Variants in PAPPA2 observed in about 807,000 individuals in gnomAD.
The protein encoded by PAPPA2 is pappalysin 2, also known as pappalysin-2.
In PAPPA2, 86 loss-of-function variants were observed where a neutral mutation model predicts 176.4. The observed-to-expected ratio is 0.49, with a 90% confidence interval of 0.41 to 0.58. PAPPA2 has a LOEUF of 0.58. PAPPA2 is among the 20% of genes least tolerant of loss of function. PAPPA2 has a pLI of 0.00. For missense variants in PAPPA2, 2,073 were observed against 2,256.9 expected (o/e 0.92, Z 1.65); for synonymous variants, 809 against 852.2 (o/e 0.95, Z 0.88).
chr1:176,549,826 T>C (rs1650837429), intron 1 of PAPPA2, among the ~76,000 whole-genome samples: 1 of 152,208 alleles, frequency 6.6e-6, no homozygotes, highest in Non-Finnish European at 1.5e-5. Flanking sequence ...GACTTACCCC[T>C]GGCTCTATCT....
At chr1:176,639,154 A>G (rs1386554501) in intron 3 of PAPPA2, among the ~76,000 whole-genome samples, 1 of 152,084 alleles carries the variant, frequency 6.6e-6, no homozygotes, top group African/African-American at 2.4e-5. Flanking sequence ...GATGAAAAAA[A>G]CTAGGATGAA....
chr1:176,659,719 C>A (rs886965937), intron 3 of PAPPA2, among the ~76,000 whole-genome samples: 2 of 152,000 alleles, frequency 1.3e-5, no homozygotes, highest in African/African-American at 4.8e-5. Context: ...AAGATTGTAA[C>A]AATTTATAAT....
intron 1 of PAPPA2, among the ~76,000 whole-genome samples, chr1:176,555,080 T>C (rs928807924): frequency 2.6e-5 from 4 of 151,714 alleles, no homozygotes; most frequent in Admixed American, 2.6e-4. Flanking sequence ...TGCTATTGAT[T>C]GTGTAGGCTG....
intron 2 of PAPPA2, among the ~76,000 whole-genome samples, chr1:176,591,676 A>T (rs1378876503): frequency 1.3e-5 from 2 of 152,204 alleles, no homozygotes; most frequent in Non-Finnish European, 2.9e-5. Flanking sequence ...GAGCTAACTT[A>T]GTCTGTTTCT....
intron 3 of PAPPA2, among the ~76,000 whole-genome samples, chr1:176,650,792 C>T (rs1050103118): frequency 6.6e-6 from 1 of 151,478 alleles, no homozygotes; most frequent in Admixed American, 6.6e-5. Flanking sequence ...TCTTTTATTA[C>T]TGTCTTCCTT....
At chr1:176,815,373 C>T (rs1312421051) in intron 21 of PAPPA2, among the ~76,000 whole-genome samples, 1 of 152,130 alleles carries the variant, frequency 6.6e-6, no homozygotes, top group Non-Finnish European at 1.5e-5. Flanking sequence ...AGCTAGTTCA[C>T]ACCTCTAGGT....
chr1:176,693,566 A>G (rs1660223237), intron 6 of PAPPA2, among the ~76,000 whole-genome samples: 2 of 152,182 alleles, frequency 1.3e-5, no homozygotes, highest in South Asian at 4.1e-4. Context: ...GCCTAGGGAG[A>G]GAGGCAAGAG....
At chr1:176,541,434 T>C (rs2102566731) in intron 1 of PAPPA2, among the ~76,000 whole-genome samples, 1 of 152,240 alleles carries the variant, frequency 6.6e-6, no homozygotes, top group East Asian at 1.9e-4. Context: ...GTAGTAAGGG[T>C]AGTTTTGATG....
At position 176,840,285 on chromosome 1, in the gene PAPPA2, C is replaced by G. The variant is rs1177229777; in HGVS notation, c.5301+14C>G. On this transcript the variant is annotated intron_variant, in intron 22 of 22. Transcript: ENST00000367662. ...TCCTCCAAGAAGGTGAGTGAGAGAACCTGGGGATGGGGGAGGCAGTGGCTT... is the reference window on the plus strand; with the variant it reads ...TCCTCCAAGAAGGTGAGTGAGAGAAGCTGGGGATGGGGGAGGCAGTGGCTT... 6.3e-7 allele frequency: 1 copy of G among 1,596,426 alleles called. No homozygotes were observed. Among genetic ancestry groups the G allele is most frequent in the East Asian group, 2.2e-5 (1 of 44,780 alleles).
rs758639256 is a variant in PAPPA2 at position 176,595,335 on chromosome 1, G to T, written c.1731G>T (p.Leu577=). 7.4e-6 allele frequency: 12 copies of T among 1,614,046 alleles called. No homozygotes were observed. Among genetic ancestry groups the T allele is most frequent in the Non-Finnish European group, 1.0e-5 (12 of 1,180,032 alleles). Residue 577 remains leucine, a synonymous_variant, in exon 3 of 23, where the codon CTG becomes CTT. Transcript: ENST00000367662. ...TCCACCAGGTCCACAATTCCACCCT[G>T]CGACACCGGGTTGTGCTTGTGAACT... ...LSVHQVHNST[L]RHRVVLVNCE...
At chr1:176,840,747 C>T (rs1258635008) in intron 22 of PAPPA2, among the ~76,000 whole-genome samples, 2 of 152,150 alleles carry the variant, frequency 1.3e-5, no homozygotes, top group Non-Finnish European at 2.9e-5. Flanking sequence ...GAGCAATTAT[C>T]CTTTCTAATG....
intron 14 of PAPPA2, among the ~76,000 whole-genome samples, chr1:176,757,532 T>C (rs1663486355): frequency 6.6e-6 from 1 of 152,232 alleles, no homozygotes; most frequent in Admixed American, 6.5e-5. Flanking sequence ...TTCATATCCT[T>C]TGCCTACGTT....
chr1:176,751,389 T>G (rs1663167318), intron 14 of PAPPA2, among the ~76,000 whole-genome samples: 1 of 137,648 alleles, frequency 7.3e-6, no homozygotes, highest in Non-Finnish European at 1.6e-5. Flanking sequence ...GAAACTACCA[T>G]CAGAGTGAAC....
intron 14 of PAPPA2, among the ~76,000 whole-genome samples, chr1:176,755,754 C>T (rs1457283383): frequency 6.6e-6 from 1 of 152,088 alleles, no homozygotes; most frequent in African/African-American, 2.4e-5. Flanking sequence ...GACCTCTGTA[C>T]AGTCAAAAAT....
chr1:176,536,279 G>A (rs1406165542), intron 1 of PAPPA2, among the ~76,000 whole-genome samples: 2 of 152,112 alleles, frequency 1.3e-5, no homozygotes, highest in Admixed American at 6.5e-5. Context: ...GTAGGGTCCG[G>A]GTGAGCTTTT....
chr1:176,713,904 CTT>C (rs1433092478), intron 12 of PAPPA2, among the ~76,000 whole-genome samples: 2 of 152,148 alleles, frequency 1.3e-5, no homozygotes, highest in Non-Finnish European at 2.9e-5. Context: ...AGTTTTGACT[CTT>C]ATATTGCTTA....
intron 12 of PAPPA2, among the ~76,000 whole-genome samples, chr1:176,716,915 C>T (rs1661406747): frequency 1.3e-5 from 2 of 152,086 alleles, no homozygotes; most frequent in Non-Finnish European, 2.9e-5. Flanking sequence ...CCGGCCACAA[C>T]AATTCCATAT....
intron 3 of PAPPA2, among the ~76,000 whole-genome samples, chr1:176,646,821 C>CTTAGGTTGCTTCCAAA: frequency 6.6e-6 from 1 of 151,468 alleles, no homozygotes; most frequent in Non-Finnish European, 1.5e-5. Flanking sequence ...TTGATGTACA[C>CTTAGGTTGCTTCCAAA]TTAGGTTGCT....
At chr1:176,622,240 A>T (rs1655638757) in intron 3 of PAPPA2, among the ~76,000 whole-genome samples, 1 of 152,190 alleles carries the variant, frequency 6.6e-6, no homozygotes, top group Non-Finnish European at 1.5e-5. Flanking sequence ...GAAAGAAATG[A>T]TATGAGTCCT....
Sources: allele counts gnomAD v4.1 joint callset (sites outside exome capture counted in the v4.1 genomes callset), GRCh38; gene constraint gnomAD v4.1.1; transcripts MANE v1.5; gene names NCBI Gene and HGNC (gene_info 2026-07-23, HGNC 2026-07-21).